The following EDIL3 variants were observed in gnomAD, a reference collection of about 807,000 sequenced individuals.
EDIL3 encodes the protein EGF like and discoidin domains 3.
Under a neutral mutation model 67.4 loss-of-function variants are expected in EDIL3, and 37 were observed. The observed-to-expected ratio is 0.55, with a 90% CI of 0.42 to 0.72. The LOEUF (loss-of-function observed/expected upper bound fraction) is 0.72, where lower values mean the gene tolerates loss of function less well. Ranked by LOEUF, EDIL3 falls within the 30% of genes least tolerant of loss-of-function variation. The pLI is 0.00. For synonymous variants in EDIL3, 195 were observed against 196.3 expected (o/e 0.99, Z 0.05); for missense variants, 527 against 586.3 (o/e 0.90, Z 1.04).
chr5:84,336,938 G>A (rs1747001844), intron 1 of EDIL3, among the ~76,000 whole-genome samples: 1 of 151,982 alleles, frequency 6.6e-6, no homozygotes, highest in South Asian at 2.1e-4. Context: ...TTATCTAGTA[G>A]GTAGTAAAAC....
chr5:84,145,555 C>T (rs1214206874), intron 4 of EDIL3, among the ~76,000 whole-genome samples: 1 of 151,860 alleles, frequency 6.6e-6, no homozygotes. Context: ...TTCACATTCT[C>T]TAAAATTTCA....
intron 1 of EDIL3, among the ~76,000 whole-genome samples, chr5:84,265,585 A>G (rs923504331): frequency 6.6e-6 from 1 of 152,242 alleles, no homozygotes; most frequent in African/African-American, 2.4e-5. Context: ...AACGTTTTAT[A>G]AAAGAGTTGA....
At chr5:84,173,567 C>T (rs368086201) in intron 4 of EDIL3, among the ~76,000 whole-genome samples, 94 of 152,164 alleles carry the variant, frequency 6.2e-4, no homozygotes, top group African/African-American at 2.2e-3. Context: ...CAGGTTAGGA[C>T]AGAAGGGTAG....
intron 1 of EDIL3, among the ~76,000 whole-genome samples, chr5:84,361,195 A>C (rs1747588890): frequency 6.6e-6 from 1 of 151,768 alleles, no homozygotes; most frequent in African/African-American, 2.4e-5. Flanking sequence ...GATTTGCTTC[A>C]AGTGTGAACA....
At chr5:84,250,026 C>A (rs1276247682) in intron 2 of EDIL3, among the ~76,000 whole-genome samples, 1 of 152,114 alleles carries the variant, frequency 6.6e-6, no homozygotes. Context: ...CAGTGCCATC[C>A]AGGAATGTGA....
intron 1 of EDIL3, among the ~76,000 whole-genome samples, chr5:84,372,924 C>CAATT (rs1747885482): frequency 6.6e-6 from 1 of 152,116 alleles, no homozygotes; most frequent in Non-Finnish European, 1.5e-5. Flanking sequence ...TGAGACTAGG[C>CAATT]AATTATATAT....
At chr5:84,180,126 G>A (rs1042936488) in intron 4 of EDIL3, among the ~76,000 whole-genome samples, 5 of 151,956 alleles carry the variant, frequency 3.3e-5, no homozygotes, top group African/African-American at 1.2e-4. Context: ...AATGTAAAGT[G>A]CATCTTTTGG....
At chr5:84,016,933 G>A (rs1253253081) in intron 9 of EDIL3, among the ~76,000 whole-genome samples, 1 of 152,178 alleles carries the variant, frequency 6.6e-6, no homozygotes, top group Non-Finnish European at 1.5e-5. Context: ...GATTGCTAGG[G>A]CTGGAAGCCT....
At chr5:84,292,537 ACT>A (rs1745944276) in intron 1 of EDIL3, among the ~76,000 whole-genome samples, 2 of 152,120 alleles carry the variant, frequency 1.3e-5, no homozygotes, top group Non-Finnish European at 2.9e-5. Context: ...AATGATACAA[ACT>A]CTCAATGGCA....
intron 5 of EDIL3, among the ~76,000 whole-genome samples, chr5:84,132,092 T>C (rs2112309397): frequency 6.7e-6 from 1 of 149,798 alleles, no homozygotes; most frequent in East Asian, 2.0e-4. Flanking sequence ...AAAAATAGCC[T>C]GGCGTGGTGG....
intron 9 of EDIL3, among the ~76,000 whole-genome samples, chr5:84,015,231 A>C (rs575311174): frequency 6.6e-6 from 1 of 152,324 alleles, no homozygotes; most frequent in Admixed American, 6.5e-5. Flanking sequence ...TAAGTTAAGA[A>C]AAGAGCAGCT....
chr5:84,061,401 A>C (rs980640820), intron 8 of EDIL3, among the ~76,000 whole-genome samples: 2 of 152,120 alleles, frequency 1.3e-5, no homozygotes, highest in Non-Finnish European at 2.9e-5. Context: ...TGCTCTTTAC[A>C]ATTTTTGTAA....
chr5:84,041,354 C>A (rs1746117094), intron 9 of EDIL3, among the ~76,000 whole-genome samples: 1 of 151,658 alleles, frequency 6.6e-6, no homozygotes, highest in Non-Finnish European at 1.5e-5. Context: ...CCCATGCCAC[C>A]AGCTGATTCT....
intron 4 of EDIL3, among the ~76,000 whole-genome samples, chr5:84,149,240 G>A (rs750184794): frequency 6.6e-6 from 1 of 152,156 alleles, no homozygotes; most frequent in Admixed American, 6.5e-5. Context: ...GAACACTGCC[G>A]TGCTCTCTAA....
At chr5:84,356,977 T>C (rs2112196660) in intron 1 of EDIL3, among the ~76,000 whole-genome samples, 1 of 138,834 alleles carries the variant, frequency 7.2e-6, no homozygotes, top group African/African-American at 2.7e-5. Context: ...CAGGCTGGAG[T>C]ACAGTGGCAC....
In EDIL3 at chr5:84,205,544, G is replaced by A. The variant is rs140349260; in HGVS notation, c.226+24311C>T. Among the ~76,000 whole-genome samples, 1,030 of 152,208 alleles carry A rather than the reference G, an allele frequency of 6.8e-3. 9 individuals are homozygous for A. Among genetic ancestry groups the A allele is most frequent in the African/African-American group, 0.023 (964 of 41,526 alleles). Reference sequence around the variant, plus strand: ...TTTGCTGTGAATCCATCTGGTCCTGGACTCTTTTTGGTTGGTAAACTATTG... The same window carrying A: ...TTTGCTGTGAATCCATCTGGTCCTGAACTCTTTTTGGTTGGTAAACTATTG... On this transcript the variant is annotated intron_variant, in intron 3 of 10. Coordinates refer to ENST00000296591, the MANE Select transcript of EDIL3 (RefSeq NM_005711.5).
At chr5:84,340,916 C>G (rs1051928962) in intron 1 of EDIL3, among the ~76,000 whole-genome samples, 11 of 151,780 alleles carry the variant, frequency 7.2e-5, no homozygotes, top group African/African-American at 2.4e-4. Context: ...ATACATGCCT[C>G]AACTCCAATC....
At chr5:84,353,231 C>A (rs1580096097) in intron 1 of EDIL3, among the ~76,000 whole-genome samples, 2 of 152,036 alleles carry the variant, frequency 1.3e-5, no homozygotes, top group East Asian at 3.9e-4. Flanking sequence ...GCTGCTGTGC[C>A]CAATCAAAAG....
intron 1 of EDIL3, among the ~76,000 whole-genome samples, chr5:84,360,824 T>C (rs541555509): frequency 8.5e-5 from 13 of 152,118 alleles, no homozygotes; most frequent in Non-Finnish European, 1.8e-4. Flanking sequence ...AGTATTGGCA[T>C]CTCAAACAGA....
Sources: gnomAD v4.1 joint callset for allele counts (sites outside exome capture counted in the v4.1 genomes callset) on GRCh38, gnomAD v4.1.1 for gene constraint, MANE v1.5 for transcripts, NCBI Gene and HGNC (gene_info 2026-07-23, HGNC 2026-07-21) for gene names.